Variants in KCNH1 observed in about 807,000 individuals in gnomAD.
KCNH1 encodes potassium voltage-gated channel subfamily H member 1, also known as voltage-gated delayed rectifier potassium channel KCNH1.
In KCNH1, 27 loss-of-function variants were observed where a neutral mutation model predicts 69.2. The observed-to-expected ratio is 0.39, with a 90% CI of 0.29 to 0.54. KCNH1 has a LOEUF of 0.54. KCNH1 is among the 20% of genes least tolerant of loss of function. The pLI is 0.68. For missense variants in KCNH1, 798 were observed against 1,261.6 expected (o/e 0.63, Z 5.57); for synonymous variants, 456 against 487.7 (o/e 0.93, Z 0.86).
intron 6 of KCNH1, among the ~76,000 whole-genome samples, chr1:210,967,400 TA>T (rs1376606855): frequency 3.3e-5 from 5 of 152,248 alleles, no homozygotes; most frequent in African/African-American, 1.2e-4. Context: ...GGGGTTTTCC[TA>T]AAAGTTTGAA....
At chr1:210,778,252 T>C (rs1683899928) in intron 9 of KCNH1, among the ~76,000 whole-genome samples, 1 of 152,186 alleles carries the variant, frequency 6.6e-6, no homozygotes, top group Non-Finnish European at 1.5e-5. Context: ...AGAAGTTTCT[T>C]AAGCCACTAA....
chr1:210,816,429 T>C (rs1222641118), intron 7 of KCNH1, among the ~76,000 whole-genome samples: 1 of 152,212 alleles, frequency 6.6e-6, no homozygotes, highest in South Asian at 2.1e-4. Flanking sequence ...AGTGTTTTAA[T>C]AGCACCACAG....
chr1:210,812,922 A>G (rs374565007), intron 7 of KCNH1, among the ~76,000 whole-genome samples: 4 of 152,200 alleles, frequency 2.6e-5, no homozygotes, highest in African/African-American at 9.6e-5. Flanking sequence ...TCTGGGTTCA[A>G]ATTCCAGCTC....
chr1:210,683,395 A>G lies in KCNH1; in HGVS notation c.2856T>C (p.Ser952=). The change falls in exon 11 of 11, where the codon TCT becomes TCC. Residue 952 remains serine, a synonymous_variant. Transcript: ENST00000271751. The surrounding 1 kb of genome is among the most constrained non-coding windows in gnomAD (Gnocchi z 5.7). ...AKMTNIEKQL[S]EILRILTSRR... ...TGGAAGTTAATATCCTGAGTATCTC[A>G]GAGAGCTGTTTCTCAATATTGGTCA... 1 of 1,614,160 alleles carries G rather than the reference A, an allele frequency of 6.2e-7. No individual in the cohort carries two copies. The highest frequency in any genetic ancestry group is 8.5e-7 in the Non-Finnish European group (1 of 1,180,022).
At chr1:211,121,752 G>A (rs926571835) in intron 1 of KCNH1, among the ~76,000 whole-genome samples, 4 of 152,182 alleles carry the variant, frequency 2.6e-5, no homozygotes, top group Non-Finnish European at 5.9e-5. Flanking sequence ...ATAGCCTACA[G>A]AATGGGAGAA....
intron 5 of KCNH1, among the ~76,000 whole-genome samples, chr1:211,056,158 A>C (rs1184994829): frequency 6.6e-6 from 1 of 152,200 alleles, no homozygotes; most frequent in Non-Finnish European, 1.5e-5. Context: ...ACCTGCCCTA[A>C]GACAGAGGGG....
At chr1:211,041,373 C>T (rs537716635) in intron 5 of KCNH1, among the ~76,000 whole-genome samples, 16 of 152,272 alleles carry the variant, frequency 1.1e-4, no homozygotes, top group Admixed American at 3.9e-4. Flanking sequence ...CTTAGCTCCC[C>T]CTTCAAGCAA....
intron 7 of KCNH1, among the ~76,000 whole-genome samples, chr1:210,820,142 G>A (rs1300177522): frequency 1.3e-5 from 2 of 152,210 alleles, no homozygotes; most frequent in African/African-American, 4.8e-5. Flanking sequence ...CAGAGGAATA[G>A]ATAACTCATA....
At chr1:211,107,984 T>G (rs1691389864) in intron 1 of KCNH1, among the ~76,000 whole-genome samples, 1 of 152,186 alleles carries the variant, frequency 6.6e-6, no homozygotes. Flanking sequence ...CTGATCAAGA[T>G]GCTCACACAA....
chr1:210,942,853 T>C (rs1339895298), intron 6 of KCNH1, among the ~76,000 whole-genome samples: 3 of 152,132 alleles, frequency 2.0e-5, no homozygotes, highest in Non-Finnish European at 2.9e-5. Flanking sequence ...AAACTTGCTT[T>C]AAAAGATCTA....
At chr1:211,080,596 T>C (rs77259301) in intron 5 of KCNH1, among the ~76,000 whole-genome samples, 114,230 of 152,098 alleles carry the variant, frequency 0.75, 43,504 homozygotes, top group Non-Finnish European at 0.81. Flanking sequence ...ACCAAAACAG[T>C]GTGGTACTGG....
At chr1:210,719,664 TAACA>T (rs1682403738) in intron 10 of KCNH1, among the ~76,000 whole-genome samples, 1 of 151,988 alleles carries the variant, frequency 6.6e-6, no homozygotes, top group Non-Finnish European at 1.5e-5. Flanking sequence ...TATACCTGTG[TAACA>T]AACTACACAT....
chr1:210,948,362 G>A (rs1239049278), intron 6 of KCNH1, among the ~76,000 whole-genome samples: 1 of 152,104 alleles, frequency 6.6e-6, no homozygotes, highest in Non-Finnish European at 1.5e-5. Context: ...TAAATTATGT[G>A]CACATTTTAG....
chr1:210,944,947 C>A (rs1262401919), intron 6 of KCNH1, among the ~76,000 whole-genome samples: 3 of 152,130 alleles, frequency 2.0e-5, no homozygotes, highest in Non-Finnish European at 2.9e-5. Flanking sequence ...TGATAACCTC[C>A]AATCTACTTT....
At chr1:210,873,841 C>T (rs1363246150) in intron 7 of KCNH1, among the ~76,000 whole-genome samples, 1 of 151,968 alleles carries the variant, frequency 6.6e-6, no homozygotes, top group African/African-American at 2.4e-5. Flanking sequence ...CCAATAATTA[C>T]AATAGACAAT....
chr1:210,885,824 T>C (rs1686591415), intron 7 of KCNH1, among the ~76,000 whole-genome samples: 1 of 152,210 alleles, frequency 6.6e-6, no homozygotes, highest in Non-Finnish European at 1.5e-5. Context: ...AAAGCCAATG[T>C]AGCCAGACTG....
chr1:211,121,181 T>C (rs1021755508), intron 1 of KCNH1, among the ~76,000 whole-genome samples: 6 of 152,124 alleles, frequency 3.9e-5, no homozygotes, highest in Non-Finnish European at 8.8e-5. Flanking sequence ...AAACACTATT[T>C]TAAATTTCAT....
chr1:210,880,354 A>G (rs754326502), intron 7 of KCNH1, among the ~76,000 whole-genome samples: 29 of 152,216 alleles, frequency 1.9e-4, no homozygotes, highest in Non-Finnish European at 3.1e-4. Flanking sequence ...ATTAAAAGCT[A>G]CAGTAATCAA....
intron 4 of KCNH1, among the ~76,000 whole-genome samples, chr1:211,083,584 A>G (rs114320401): frequency 3.9e-5 from 6 of 152,320 alleles, no homozygotes; most frequent in African/African-American, 1.4e-4. Flanking sequence ...TCAACACTCA[A>G]CAACCCATCT....
Sources: allele counts gnomAD v4.1 joint callset (sites outside exome capture counted in the v4.1 genomes callset), GRCh38; gene constraint gnomAD v4.1.1; non-coding constraint Gnocchi (gnomAD v3.1); transcripts MANE v1.5; gene names NCBI Gene and HGNC (gene_info 2026-07-23, HGNC 2026-07-21).